Variants in VASH1 observed in about 807,000 individuals in gnomAD.
VASH1 encodes the protein vasohibin 1.
In VASH1, 16 loss-of-function variants were observed where a neutral mutation model predicts 35.0. The ratio of observed to expected loss-of-function variants is 0.46; its 90% CI spans 0.31 to 0.70. VASH1 has a LOEUF of 0.70. Among genes scored for constraint, VASH1 ranks in the 30% least tolerant of loss-of-function variants. The probability of loss-of-function intolerance (pLI) is 0.05; values close to 1 mark genes in which losing one functional copy is unlikely to be tolerated. For synonymous variants in VASH1, 214 were observed against 200.9 expected (o/e 1.07, Z -0.55); for missense variants, 505 against 510.7 (o/e 0.99, Z 0.11).
chr14:76,776,078 C>T lies in VASH1; in HGVS notation c.717C>T (p.Leu239=), dbSNP rs552883733. Residue 239 remains leucine, a synonymous_variant, in exon 5 of 7, where the codon CTC becomes CTT. Coordinates refer to ENST00000167106, the MANE Select transcript of VASH1 (RefSeq NM_014909.5). ...CCGCCTTCCGCACGCTCAGCGAGCTCGTGCTGGACTTCGAGGCCGCCTACG... is the reference window on the plus strand; with the variant it reads ...CCGCCTTCCGCACGCTCAGCGAGCTTGTGCTGGACTTCGAGGCCGCCTACG... ...KPPAFRTLSE[L]VLDFEAAYGR... 32 of 1,609,318 alleles carry T rather than the reference C, an allele frequency of 2.0e-5. No homozygotes were observed. The highest frequency in any genetic ancestry group is 8.9e-5 in the East Asian group (4 of 44,838).
chr14:76,778,839 T>C, intron 6 of VASH1, 107 bp from the exon 7 acceptor site: 1 of 1,110,756 alleles, frequency 9.0e-7, no homozygotes, highest in South Asian at 1.2e-5. Flanking sequence ...GAGGGCCACT[T>C]GGAGAATGTG....
Position 76,763,189 on chromosome 14 carries a change from C to T in VASH1, c.309+59C>T, listed in dbSNP as rs60729406. 3.1e-3 allele frequency: 4,248 copies of T among 1,362,792 alleles called. 90 individuals carry two copies. In the African/African-American group the frequency reaches 0.041, roughly 13 times the overall value. The allele number at this position is 1,362,792 out of a possible 1,614,324, so 84.4% of individuals were successfully genotyped here. ...GTCTAGGTTTTAGTGACCTTGGGGC[C>T]AAGAGTGAAGCCACACTCTCCTCCC... On this transcript the variant is annotated intron_variant, in intron 1 of 6. Coordinates refer to ENST00000167106, the MANE Select transcript of VASH1 (RefSeq NM_014909.5).
At position 76,776,367 on chromosome 14, in the gene VASH1, CAG is replaced by C. The variant is rs941543933; in HGVS notation, c.912+95_912+96del. Reference sequence around the variant, plus strand: ...GGATTGAGAGGACTGGGGAGCTTCTCAGGGGACTGGGGTGCTGGGACCTTGCT... The same window carrying C: ...GGATTGAGAGGACTGGGGAGCTTCTCGGGACTGGGGTGCTGGGACCTTGCT... On this transcript the variant is annotated intron_variant, in intron 5 of 6. Coordinates refer to ENST00000167106, the MANE Select transcript of VASH1 (RefSeq NM_014909.5). 9 of 1,429,838 alleles carry C rather than the reference CAG, an allele frequency of 6.3e-6. No individual in the cohort carries two copies. In the African/African-American group the frequency reaches 7.1e-5, roughly 11 times the overall value. The allele number at this position is 1,429,838 out of a possible 1,614,324, so 88.6% of individuals were successfully genotyped here. A position where few individuals can be genotyped will look rare whatever the true frequency, so the allele number is the denominator to read the frequency against.
intron 5 of VASH1, 114 bp from the exon 6 acceptor site, chr14:76,777,845 A>T: frequency 1.5e-6 from 1 of 656,900 alleles, no homozygotes; most frequent in Non-Finnish European, 2.3e-6. Flanking sequence ...GCCATGCTTG[A>T]GGTTCCCCGG....
Position 76,769,972 on chromosome 14 carries a change from C to T in VASH1, c.319C>T (p.Pro107Ser). Reference protein sequence around the residue: ...GATDLPKIPIPSVPTFQPSTP... With the variant: ...GATDLPKIPISSVPTFQPSTP... Reference sequence around the variant, plus strand: ...CTTTCTCTGTCCCCAGATCCCCATACCGAGTGTGCCTACGTTCCAGCCGTC... The same window carrying T: ...CTTTCTCTGTCCCCAGATCCCCATATCGAGTGTGCCTACGTTCCAGCCGTC... Residue 107 changes from proline to serine, a missense_variant, in exon 2 of 7, where the codon CCG (proline) becomes TCG (serine). Transcript: ENST00000167106. 1 of 1,613,868 alleles carries T rather than the reference C, an allele frequency of 6.2e-7. No individual in the cohort carries two copies. Among genetic ancestry groups the T allele is most frequent in the Admixed American group, 1.7e-5 (1 of 59,996 alleles).
At position 76,776,085 on chromosome 14, in the gene VASH1, GA is replaced by G. The variant is rs1325246297; in HGVS notation, c.725del (p.Asp242AlafsTer16). 6.2e-7 allele frequency: 1 copy of G among 1,608,972 alleles called. No individual in the cohort carries two copies. Among genetic ancestry groups the G allele is most frequent in the African/African-American group, 1.3e-5 (1 of 74,920 alleles). On this transcript the variant is annotated frameshift_variant, in exon 5 of 7. Transcript: ENST00000167106. LOFTEE classifies it high-confidence loss of function. ...CCGCACGCTCAGCGAGCTCGTGCTG[GA>G]CTTCGAGGCCGCCTACGGCCGCTGC... is the stretch of plus-strand genomic sequence containing the variant. ...AFRTLSELVL[D>X]FEAAYGRCWH...
At position 76,761,730 on chromosome 14, in the gene VASH1, C is replaced by A. The variant is rs1310535370; in HGVS notation, c.-1092C>A. 6.6e-6 allele frequency among the ~76,000 whole-genome samples: 1 copy of A among 151,918 alleles called. No individual in the cohort carries two copies. Among genetic ancestry groups the A allele is most frequent in the African/African-American group, 2.4e-5 (1 of 41,426 alleles). ...CGCGAGCCTCCGGGCTTGCGGTCCC[C>A]GCCCCGCGGTCCTTCCTCCACCCTC... On this transcript the variant is annotated 5_prime_UTR_variant, in exon 1 of 7. Coordinates refer to ENST00000167106, the MANE Select transcript of VASH1 (RefSeq NM_014909.5).
intron 4 of VASH1, among the ~76,000 whole-genome samples, chr14:76,775,243 A>G (rs1287538092): frequency 6.6e-6 from 1 of 152,180 alleles, no homozygotes; most frequent in Non-Finnish European, 1.5e-5. Flanking sequence ...GCGCAGGCTC[A>G]GCTTCAGTCC....
At position 76,761,862 on chromosome 14, in the gene VASH1, C is replaced by A. The variant is rs1336562807; in HGVS notation, c.-960C>A. Among the ~76,000 whole-genome samples the A allele has an allele frequency of 6.6e-6, 1 of 151,642 alleles. No individual in the cohort carries two copies. Among genetic ancestry groups the A allele is most frequent in the African/African-American group, 2.4e-5 (1 of 41,372 alleles). The stretch of plus-strand genomic sequence containing the variant: ...CAGTCCCAGGCAGCGACCCCGCGGC[C>A]GCAGCCCGCCGCTCAGTGACCTCAG... On this transcript the variant is annotated 5_prime_UTR_variant, in exon 1 of 7. Transcript: ENST00000167106.
At chr14:76,772,538 C>T (rs1381582350) in intron 3 of VASH1, among the ~76,000 whole-genome samples, 6 of 152,174 alleles carry the variant, frequency 3.9e-5, no homozygotes, top group African/African-American at 1.4e-4. Context: ...AGGCTGGGGA[C>T]AGAGGGAGGA....
Position 76,770,066 on chromosome 14 carries a change from C to A in VASH1, c.398+15C>A. The A allele has an allele frequency of 1.2e-6, 2 of 1,610,858 alleles. No homozygotes were observed. The highest frequency in any genetic ancestry group is 2.2e-5 in the South Asian group (2 of 90,764). ...AGAGAGCTGCAGTATCCTCTCTGGT[C>A]AAGGGTCATGGCCACCTTCTGGCCG... is the stretch of plus-strand genomic sequence containing the variant. On this transcript the variant is annotated intron_variant, in intron 2 of 6. Transcript: ENST00000167106.
At chr14:76,771,151 T>C (rs1426121926) in intron 2 of VASH1, 39 bp from the exon 3 acceptor site, 1 of 1,516,784 alleles carries the variant, frequency 6.6e-7, no homozygotes, top group Non-Finnish European at 8.8e-7. Flanking sequence ...GTCAACCTCC[T>C]TCAGGCCAAG....
chr14:76,769,773 TGGCTGGGCTGG>T, intron 1 of VASH1, 179 bp from the exon 2 acceptor site: 1 of 648,512 alleles, frequency 1.5e-6, no homozygotes, highest in East Asian at 2.9e-5. Context: ...AGGGAAGGAA[TGGCTGGGCTGG>T]GGCCCTGGCA....
chr14:76,776,172 G>A lies in VASH1; in HGVS notation c.811G>A (p.Glu271Lys), dbSNP rs1447714166. 2.5e-6 allele frequency: 4 copies of A among 1,610,880 alleles called. No individual in the cohort carries two copies. Among genetic ancestry groups the A allele is most frequent in the South Asian group, 1.1e-5 (1 of 91,026 alleles). The change falls in exon 5 of 7, where the codon GAG (glutamate) becomes AAG (lysine). Residue 271 changes from glutamate to lysine, a missense_variant. Physicochemically the swap from Glu to Lys is moderately conservative, Grantham distance 56 (BLOSUM62 1). Coordinates refer to ENST00000167106, the MANE Select transcript of VASH1 (RefSeq NM_014909.5). ...CGTGTCACACGACCCGCACAGCGTG[G>A]AGCAGATCGAGTGGAAGCACTCGGT... Reference protein sequence around the residue: ...QSVSHDPHSVEQIEWKHSVLD... With the variant: ...QSVSHDPHSVKQIEWKHSVLD...
Position 76,762,746 on chromosome 14 carries a change from C to T in VASH1, c.-76C>T, listed in dbSNP as rs1290478334. The stretch of plus-strand genomic sequence containing the variant: ...CTTGCACTCTGGCCATGTGTTATCT[C>T]TGCAGCCGGTGTGTGGGAGGCCTCT... On this transcript the variant is annotated 5_prime_UTR_variant, in exon 1 of 7. Coordinates refer to ENST00000167106, the MANE Select transcript of VASH1 (RefSeq NM_014909.5). The T allele has an allele frequency of 5.2e-6, 7 of 1,349,886 alleles. No homozygotes were observed. In the East Asian group the frequency reaches 1.8e-4, roughly 35 times the overall value. 83.6% of individuals were successfully genotyped at this position (1,349,886 alleles called of 1,614,324 possible).
At chr14:76,763,182 T>C (rs1439486899) in intron 1 of VASH1, 52 bp downstream of exon 1, 3 of 1,369,910 alleles carry the variant, frequency 2.2e-6, no homozygotes, top group Non-Finnish European at 9.5e-7. Flanking sequence ...TTTAGTGACC[T>C]TGGGGCCAAG....
rs1192158892 is a variant in VASH1, at chr14:76,775,886, G to A, written c.531-6G>A. 6.4e-7 allele frequency: 1 copy of A among 1,560,558 alleles called. No homozygotes were observed. Among genetic ancestry groups the A allele is most frequent in the Non-Finnish European group, 8.7e-7 (1 of 1,151,048 alleles). On this transcript the variant is annotated splice_polypyrimidine_tract_variant and splice_region_variant and intron_variant, in intron 4 of 6. Coordinates refer to ENST00000167106, the MANE Select transcript of VASH1 (RefSeq NM_014909.5). ...CTGGCTCTTTCCTTAGCGGGGCACT[G>A]GCCAGTTACCTCACCAACAGCATGC... is the stretch of plus-strand genomic sequence containing the variant.
intron 1 of VASH1, among the ~76,000 whole-genome samples, chr14:76,768,510 G>A (rs1036188600): frequency 1.1e-4 from 16 of 152,028 alleles, no homozygotes; most frequent in South Asian, 2.1e-4. Context: ...TCCCTCCTGC[G>A]TCTCCACCCC....
rs1164593405 is a variant in VASH1, at chr14:76,779,553, T to C, written c.*535T>C. ...AGGGTAGGAGTCCTTCTGAGAAAGG[T>C]CTGTGTAGCCCATTAACCAGGAGCT... On this transcript the variant is annotated 3_prime_UTR_variant, in exon 7 of 7. Coordinates refer to ENST00000167106, the MANE Select transcript of VASH1 (RefSeq NM_014909.5). 2 of 685,262 alleles carry C rather than the reference T, an allele frequency of 2.9e-6. No individual in the cohort carries two copies. The highest frequency in any genetic ancestry group is 4.1e-5 in the Admixed American group (2 of 48,798). 42.4% of individuals were successfully genotyped at this position (685,262 alleles called of 1,614,324 possible).
Sources: gnomAD v4.1 joint callset for allele counts (sites outside exome capture counted in the v4.1 genomes callset) on GRCh38, gnomAD v4.1.1 for gene constraint, MANE v1.5 for transcripts, NCBI Gene and HGNC (gene_info 2026-07-23, HGNC 2026-07-21) for gene names.